APBB1IP: variants seen among roughly 807,000 people sequenced by gnomAD.
The protein encoded by APBB1IP is amyloid beta A4 precursor protein-binding family B member 1-interacting protein.
APBB1IP carries 27 observed loss-of-function variants against 64.9 expected under a neutral mutation model. The observed-to-expected ratio is 0.42, with a 90% CI of 0.31 to 0.57. The LOEUF is 0.57. Ranked by LOEUF, APBB1IP falls within the 20% of genes least tolerant of loss-of-function variation. The pLI is 0.20. For synonymous variants in APBB1IP, 392 were observed against 331.0 expected (o/e 1.18, Z -2.00); for missense variants, 812 against 845.5 (o/e 0.96, Z 0.49).
chr10:26,567,202 C>G lies in APBB1IP; in HGVS notation c.1715C>G (p.Pro572Arg). ...GATGACCCTGAGCTCCCGCCGCCGC[C>G]CCCGGACTTCATGGAGCCGCCCCCA... Reference protein sequence around the residue: ...PLDDPELPPPPPDFMEPPPDF... With the variant: ...PLDDPELPPPRPDFMEPPPDF... The change falls in exon 15 of 15, where the codon CCC becomes CGC. Residue 572 changes from proline to arginine, a missense_variant. Pro to Arg is a moderately radical substitution (Grantham distance 103). This residue lies in a region of APBB1IP where 381 missense variants were observed against 352.1 expected (regional missense o/e 1.08). Transcript: ENST00000376236. 7.2e-7 allele frequency: 1 copy of G among 1,391,276 alleles called. No individual in the cohort carries two copies. 86.2% of individuals were successfully genotyped at this position (1,391,276 alleles called of 1,614,324 possible).
chr10:26,536,804 A>G (rs1369966308), intron 10 of APBB1IP, among the ~76,000 whole-genome samples: 1 of 145,944 alleles, frequency 6.9e-6, no homozygotes, highest in Non-Finnish European at 1.5e-5. Context: ...ACGGGGTTTC[A>G]CCATGTTGCT....
intron 8 of APBB1IP, among the ~76,000 whole-genome samples, chr10:26,532,649 A>C (rs996002026): frequency 6.6e-6 from 1 of 151,848 alleles, no homozygotes; most frequent in African/African-American, 2.4e-5. Flanking sequence ...ATGCCTAGCT[A>C]ATTTTTTCAT....
intron 2 of APBB1IP, among the ~76,000 whole-genome samples, chr10:26,461,415 A>G (rs1835590685): frequency 6.6e-6 from 1 of 152,270 alleles, no homozygotes; most frequent in Non-Finnish European, 1.5e-5. Flanking sequence ...ACTTTTTCAT[A>G]CATCAAATTT....
chr10:26,451,209 T>G (rs2992259), intron 2 of APBB1IP, among the ~76,000 whole-genome samples: 151,783 of 152,302 alleles, frequency 1, 75,636 homozygotes, highest in Middle Eastern at 1. Flanking sequence ...TGGAAGACAT[T>G]AAGGAAAGAA....
chr10:26,449,446 AC>A (rs1376784664), intron 2 of APBB1IP, among the ~76,000 whole-genome samples: 1 of 152,230 alleles, frequency 6.6e-6, no homozygotes, highest in Non-Finnish European at 1.5e-5. Context: ...GATATTAAGC[AC>A]TTCATATGCA....
intron 13 of APBB1IP, 117 bp from the exon 14 acceptor site, chr10:26,562,209 G>T: frequency 1.3e-6 from 1 of 747,908 alleles, no homozygotes; most frequent in Admixed American, 2.2e-5. Flanking sequence ...GTAAGAACTA[G>T]CCAACAAGTA....
At chr10:26,455,310 A>C (rs1215343241) in intron 2 of APBB1IP, among the ~76,000 whole-genome samples, 1 of 152,102 alleles carries the variant, frequency 6.6e-6, no homozygotes, top group African/African-American at 2.4e-5. Flanking sequence ...CGGGCGGATC[A>C]CAAGGTCAGG....
At chr10:26,550,804 C>A (rs1456034256) in intron 11 of APBB1IP, among the ~76,000 whole-genome samples, 1 of 152,172 alleles carries the variant, frequency 6.6e-6, no homozygotes, top group Non-Finnish European at 1.5e-5. Context: ...TGGGCTCTGT[C>A]TTTGCATTGT....
chr10:26,445,004 A>G (rs1349485161), intron 2 of APBB1IP, among the ~76,000 whole-genome samples: 2 of 151,856 alleles, frequency 1.3e-5, no homozygotes, highest in Non-Finnish European at 2.9e-5. Context: ...AGGCTGAGGC[A>G]GGAGAATCGC....
chr10:26,499,866 A>C (rs1210529871), intron 4 of APBB1IP, among the ~76,000 whole-genome samples: 1 of 152,104 alleles, frequency 6.6e-6, no homozygotes, highest in South Asian at 2.1e-4. Context: ...TTAATCCCAT[A>C]ATTTTTTAAC....
intron 6 of APBB1IP, among the ~76,000 whole-genome samples, chr10:26,509,412 A>G (rs1303819740): frequency 6.6e-6 from 1 of 152,186 alleles, no homozygotes; most frequent in Admixed American, 6.5e-5. Context: ...GTGTTTGTGA[A>G]TGTTGGAAAT....
chr10:26,537,057 C>A (rs988602635), intron 10 of APBB1IP, among the ~76,000 whole-genome samples: 4 of 152,054 alleles, frequency 2.6e-5, no homozygotes, highest in African/African-American at 7.2e-5. Flanking sequence ...AGGATTATTG[C>A]CTCAAATTTA....
At chr10:26,553,581 C>A (rs536093668) in intron 11 of APBB1IP, among the ~76,000 whole-genome samples, 6 of 152,236 alleles carry the variant, frequency 3.9e-5, no homozygotes, top group African/African-American at 1.4e-4. Context: ...TCACTTGAGC[C>A]CAGGCGTTGG....
intron 11 of APBB1IP, among the ~76,000 whole-genome samples, chr10:26,552,541 G>A (rs55772728): frequency 0.017 from 2,512 of 151,922 alleles, 32 homozygotes; most frequent in Non-Finnish European, 0.024. Flanking sequence ...TCAGGGTGCC[G>A]TGAGCCACAG....
At chr10:26,491,567 A>T (rs1402318822) in intron 2 of APBB1IP, among the ~76,000 whole-genome samples, 1 of 152,202 alleles carries the variant, frequency 6.6e-6, no homozygotes, top group Non-Finnish European at 1.5e-5. Flanking sequence ...AGGCAAAGAA[A>T]GGTTAAAATG....
Position 26,503,126 on chromosome 10 carries a change from C to G in APBB1IP, c.454-71C>G. 3 of 1,414,302 alleles carry G rather than the reference C, an allele frequency of 2.1e-6. No homozygotes were observed. In the East Asian group the frequency reaches 6.9e-5, roughly 33 times the overall value. 87.6% of individuals were successfully genotyped at this position (1,414,302 alleles called of 1,614,324 possible). On this transcript the variant is annotated intron_variant, in intron 5 of 14. Transcript: ENST00000376236. ...TAATACAACGTAGCTGAGACACTAG[C>G]AATGACAGAAGTGATTACTCACTGG...
Position 26,517,314 on chromosome 10 carries a change from G to T in APBB1IP, c.813+3654G>T, listed in dbSNP as rs185352241. 2.0e-4 allele frequency among the ~76,000 whole-genome samples: 30 copies of T among 152,332 alleles called. No individual in the cohort carries two copies. The East Asian group carries it at 5.6e-3, about 28-fold the overall frequency. On this transcript the variant is annotated intron_variant, in intron 8 of 14. Coordinates refer to ENST00000376236, the MANE Select transcript of APBB1IP (RefSeq NM_019043.4). Reference sequence around the variant, plus strand: ...AAGATAACAGAGCATTCAGGGAGTTGCAGCGGCCTTCCTCCTGGCCCTTCC... The same window carrying T: ...AAGATAACAGAGCATTCAGGGAGTTTCAGCGGCCTTCCTCCTGGCCCTTCC...
intron 11 of APBB1IP, among the ~76,000 whole-genome samples, chr10:26,546,400 T>A (rs1836765944): frequency 6.6e-6 from 1 of 152,200 alleles, no homozygotes; most frequent in South Asian, 2.1e-4. Context: ...AGAAATTTGC[T>A]TTTATTTTTT....
At chr10:26,505,934 A>G (rs1439849150) in intron 6 of APBB1IP, among the ~76,000 whole-genome samples, 2 of 152,046 alleles carry the variant, frequency 1.3e-5, no homozygotes, top group Non-Finnish European at 2.9e-5. Flanking sequence ...CAGTCCCTGC[A>G]TGACATGGCG....
Sources: gnomAD v4.1 joint callset for allele counts (sites outside exome capture counted in the v4.1 genomes callset) on GRCh38, gnomAD v4.1.1 for gene constraint, gnomAD v4.1.1 regional missense constraint, MANE v1.5 for transcripts, NCBI Gene and HGNC (gene_info 2026-07-23, HGNC 2026-07-21) for gene names.